The following SP100 variants were observed in gnomAD, a reference collection of about 807,000 sequenced individuals.
The protein encoded by SP100 is nuclear autoantigen Sp-100.
SP100 carries 84 observed loss-of-function variants against 130.0 expected under a neutral mutation model. The observed-to-expected ratio is 0.65, with a 90% CI of 0.54 to 0.77. The LOEUF (loss-of-function observed/expected upper bound fraction) is 0.77. SP100 is among the 30% of genes least tolerant of loss of function. SP100 has a pLI of 0.00. For synonymous variants in SP100, 331 were observed against 351.7 expected, an observed-to-expected ratio of 0.94 and a Z score of 0.66; for missense variants, 978 against 1,052.2, an observed-to-expected ratio of 0.93 and a Z score of 0.97.
intron 21 of SP100, among the ~76,000 whole-genome samples, chr2:230,504,768 A>G (rs1689947842): frequency 6.6e-6 from 1 of 152,184 alleles, no homozygotes; most frequent in South Asian, 2.1e-4. Flanking sequence ...CAAACAGTTT[A>G]GGCACAGTGA....
chr2:230,450,475 TATC>T (rs1280318835), intron 8 of SP100, among the ~76,000 whole-genome samples: 1 of 152,220 alleles, frequency 6.6e-6, no homozygotes, highest in Non-Finnish European at 1.5e-5. Flanking sequence ...CTCACGTACT[TATC>T]ATTTTTGTGG....
At chr2:230,433,683 A>G (rs924218544) in intron 2 of SP100, among the ~76,000 whole-genome samples, 8 of 152,156 alleles carry the variant, frequency 5.3e-5, no homozygotes, top group South Asian at 4.1e-4. Context: ...CATTTTCAAC[A>G]TACAAGTCTT....
At chr2:230,417,953 C>G (rs984827861) in intron 2 of SP100, among the ~76,000 whole-genome samples, 2 of 152,088 alleles carry the variant, frequency 1.3e-5, no homozygotes, top group African/African-American at 2.4e-5. Context: ...TCTTGTGATA[C>G]AGATTTTTTT....
chr2:230,519,533 A>G (rs1691073475), intron 24 of SP100, among the ~76,000 whole-genome samples: 1 of 152,198 alleles, frequency 6.6e-6, no homozygotes, highest in African/African-American at 2.4e-5. Flanking sequence ...TAAGAGACAG[A>G]TGGGAGCCAA....
intron 14 of SP100, chr2:230,469,799 G>T: frequency 7.0e-7 from 1 of 1,424,456 alleles, no homozygotes; most frequent in Non-Finnish European, 9.3e-7. Flanking sequence ...AAAAGAAGAA[G>T]AAACAATGTC....
rs1176195083 is a variant in SP100, at chr2:230,443,015, G to A, written c.186G>A (p.Val62=). Residue 62 remains valine, a synonymous_variant, in exon 3 of 29, where the codon GTG becomes GTA. Coordinates refer to ENST00000340126, the MANE Select transcript of SP100 (RefSeq NM_001080391.2). ...TCAAGCACTTCAAAAGAAATAAGGT[G>A]GAGATTTCAAATGCAATAAAAAAGA... is the stretch of plus-strand genomic sequence containing the variant. ...IVFKHFKRNK[V]EISNAIKKTF... The A allele has an allele frequency of 1.2e-6, 2 of 1,613,670 alleles. No individual in the cohort carries two copies. The highest frequency in any genetic ancestry group is 1.7e-6 in the Non-Finnish European group (2 of 1,179,702).
chr2:230,464,028 C>A, intron 10 of SP100, 39 bp from the exon 11 acceptor site: 1 of 1,360,416 alleles, frequency 7.4e-7, no homozygotes, highest in Non-Finnish European at 1.1e-6. Context: ...TCCTTGGTCA[C>A]ACACTGAGAC....
intron 8 of SP100, among the ~76,000 whole-genome samples, chr2:230,458,898 G>A (rs536537231): frequency 2.0e-5 from 3 of 152,222 alleles, no homozygotes; most frequent in African/African-American, 7.2e-5. Flanking sequence ...AATAAGGGCC[G>A]ACTCAAAGCA....
intron 17 of SP100, among the ~76,000 whole-genome samples, chr2:230,492,591 C>A (rs1450246530): frequency 2.0e-5 from 3 of 152,314 alleles, no homozygotes; most frequent in African/African-American, 7.2e-5. Flanking sequence ...CAGGCATGAG[C>A]CACTGCACCT....
At chr2:230,470,226 C>A in intron 15 of SP100, 128 bp downstream of exon 15, 2 of 1,338,252 alleles carry the variant, frequency 1.5e-6, no homozygotes, top group South Asian at 2.1e-5. Context: ...TCTGGGAACT[C>A]CTTTTTGCAT....
At chr2:230,512,226 A>T (rs894450692) in intron 24 of SP100, among the ~76,000 whole-genome samples, 1 of 151,676 alleles carries the variant, frequency 6.6e-6, no homozygotes, top group Non-Finnish European at 1.5e-5. Context: ...ACTCAATAAA[A>T]CACACCAACA....
At chr2:230,500,354 A>G (rs1227481295) in intron 19 of SP100, among the ~76,000 whole-genome samples, 2 of 152,168 alleles carry the variant, frequency 1.3e-5, no homozygotes, top group Admixed American at 6.6e-5. Flanking sequence ...TTTATTATAC[A>G]TGATCTGCTC....
intron 24 of SP100, chr2:230,515,351 G>A (rs537512048): frequency 4.9e-5 from 79 of 1,613,764 alleles, no homozygotes; most frequent in South Asian, 4.8e-4. Flanking sequence ...TCTGAGTATC[G>A]CCCAAAAATC....
chr2:230,428,409 C>T (rs2149871921), intron 2 of SP100, among the ~76,000 whole-genome samples: 1 of 151,472 alleles, frequency 6.6e-6, no homozygotes, highest in East Asian at 1.9e-4. Flanking sequence ...CAAATGGTGA[C>T]AGAAGAGAAA....
rs143198476 is a variant in SP100 at position 230,474,782 on chromosome 2, G to T, written c.1600+335G>T. ...TTCCACTTGTAAGTAAGAACATGCA[G>T]TATTTGGTTTTCTGTTCTTGCATTA... On this transcript the variant is annotated intron_variant, in intron 17 of 28. Coordinates refer to ENST00000340126, the MANE Select transcript of SP100 (RefSeq NM_001080391.2). 9.2e-5 allele frequency among the ~76,000 whole-genome samples: 14 copies of T among 152,234 alleles called. No individual in the cohort carries two copies. In the East Asian group the frequency reaches 2.7e-3, roughly 29 times the overall value.
chr2:230,538,222 A>G (rs1692024238), intron 24 of SP100: 1 of 152,180 alleles, frequency 6.6e-6, no homozygotes, highest in Admixed American at 6.5e-5. Context: ...AATTCTTACT[A>G]AAAAGGTTAA....
chr2:230,417,332 A>G (rs1398792144), intron 1 of SP100, among the ~76,000 whole-genome samples: 1 of 152,206 alleles, frequency 6.6e-6, no homozygotes, highest in Non-Finnish European at 1.5e-5. Context: ...CTTAATACAT[A>G]TAGATCTGCC....
chr2:230,482,489 C>T (rs1393169554), intron 17 of SP100, among the ~76,000 whole-genome samples: 1 of 152,140 alleles, frequency 6.6e-6, no homozygotes, highest in Non-Finnish European at 1.5e-5. Context: ...AGAACAAAAC[C>T]CTATCTCAAG....
chr2:230,513,518 T>TAAAAAA (rs34365039), intron 24 of SP100, among the ~76,000 whole-genome samples: 1 of 148,308 alleles, frequency 6.7e-6, no homozygotes, highest in Non-Finnish European at 1.5e-5. Context: ...CCTTTTTGAT[T>TAAAAAA]AAAAAAAAAA....
Sources: allele counts gnomAD v4.1 joint callset (sites outside exome capture counted in the v4.1 genomes callset), GRCh38; gene constraint gnomAD v4.1.1; transcripts MANE v1.5; gene names NCBI Gene and HGNC (gene_info 2026-07-23, HGNC 2026-07-21).